KCNQ1: variants seen among roughly 807,000 people sequenced by gnomAD.
The protein encoded by KCNQ1 is potassium voltage-gated channel subfamily Q member 1, also known as potassium voltage-gated channel subfamily KQT member 1.
Under a neutral mutation model 72.4 loss-of-function variants are expected in KCNQ1, and 49 were observed. The ratio of observed to expected loss-of-function variants is 0.68; its 90% CI spans 0.54 to 0.86. The LOEUF is 0.86. Among genes scored for constraint, KCNQ1 ranks in the 40% least tolerant of loss-of-function variants. The pLI is 0.00. For missense variants in KCNQ1, 790 were observed against 945.1 expected, an observed-to-expected ratio of 0.84 and a Z score of 2.15; for synonymous variants, 450 against 412.6, an observed-to-expected ratio of 1.09 and a Z score of -1.10.
chr11:2,486,130 C>CA lies in KCNQ1; in HGVS notation c.386+40647dup, dbSNP rs1198217472. ...TGAGGAACCACTATGCCGTTTTCCA[C>CA]AGTAGCTACCACATCCTCACCAACA... On this transcript the variant is annotated intron_variant, in intron 1 of 15. Transcript: ENST00000155840. The surrounding 1 kb of genome is among the most constrained non-coding windows in gnomAD (Gnocchi z 5.0). 2.0e-5 allele frequency among the ~76,000 whole-genome samples: 3 copies of CA among 152,192 alleles called. No homozygotes were observed. The highest frequency in any genetic ancestry group is 4.4e-5 in the Non-Finnish European group (3 of 68,034).
Position 2,508,218 on chromosome 11 carries a change from C to T in KCNQ1, c.387-19710C>T, listed in dbSNP as rs1247482286. Among the ~76,000 whole-genome samples, 1 of 152,192 alleles carries T rather than the reference C, an allele frequency of 6.6e-6. No individual in the cohort carries two copies. The highest frequency in any genetic ancestry group is 2.4e-5 in the African/African-American group (1 of 41,460). ...GGCATGCATGTTTGAGGTACCACAA[C>T]CTCCACCAACCCATGGTGGTCACCA... On this transcript the variant is annotated intron_variant, in intron 1 of 15. Coordinates refer to ENST00000155840, the MANE Select transcript of KCNQ1 (RefSeq NM_000218.3). This position sits in a 1 kb window ranked among gnomAD's most constrained non-coding sequence, Gnocchi z 6.2.
intron 12 of KCNQ1, among the ~76,000 whole-genome samples, chr11:2,771,809 G>T (rs758354486): frequency 3.9e-5 from 6 of 152,190 alleles, no homozygotes; most frequent in Non-Finnish European, 7.3e-5. Context: ...GAAAAAGCTG[G>T]TCCCTGGGGA....
chr11:2,700,420 G>C (rs1042162482), intron 11 of KCNQ1, among the ~76,000 whole-genome samples: 1 of 152,192 alleles, frequency 6.6e-6, no homozygotes, highest in African/African-American at 2.4e-5. Context: ...CCCCGACACT[G>C]CTGTGGGCCC....
At position 2,659,192 on chromosome 11, in the gene KCNQ1, C is replaced by T. The variant is rs1849905990; in HGVS notation, c.1394-2769C>T. The T allele has an allele frequency of 5.0e-6, 2 of 398,432 alleles. No individual in the cohort carries two copies. Among genetic ancestry groups the T allele is most frequent in the African/African-American group, 4.1e-5 (2 of 48,592 alleles). The allele number at this position is 398,432 out of a possible 1,614,324, so 24.7% of individuals were successfully genotyped here. A position where few individuals can be genotyped will look rare whatever the true frequency, so the allele number is the denominator to read the frequency against. On this transcript the variant is annotated intron_variant, in intron 10 of 15. Coordinates refer to ENST00000155840, the MANE Select transcript of KCNQ1 (RefSeq NM_000218.3). This position sits in a 1 kb window ranked among gnomAD's most constrained non-coding sequence, Gnocchi z 4.3. ...TGACAGATGTCTGGAGTCATGTGTC[C>T]ACAATCCAGTATCATTCACAGAAGT...
intron 11 of KCNQ1, among the ~76,000 whole-genome samples, chr11:2,721,248 C>T (rs374221355): frequency 2.6e-5 from 4 of 152,162 alleles, no homozygotes; most frequent in African/African-American, 4.8e-5. Context: ...TTTGTCCTAC[C>T]GTGGAGGTCG....
At chr11:2,705,350 G>C (rs1178516930) in intron 11 of KCNQ1, among the ~76,000 whole-genome samples, 1 of 152,166 alleles carries the variant, frequency 6.6e-6, no homozygotes, top group East Asian at 1.9e-4. Context: ...GTGTGTATAT[G>C]TTTGGGCATT....
At chr11:2,560,319 G>A (rs1226977024) in intron 2 of KCNQ1, among the ~76,000 whole-genome samples, 5 of 68,750 alleles carry the variant, frequency 7.3e-5, no homozygotes, top group African/African-American at 3.1e-4. Context: ...TCCATCCTGA[G>A]GGAACAGGGG....
At chr11:2,714,327 A>G (rs231848) in intron 11 of KCNQ1, among the ~76,000 whole-genome samples, 104,562 of 152,250 alleles carry the variant, frequency 0.69, 37,677 homozygotes, top group East Asian at 0.99. Context: ...GAGAGGCAGC[A>G]GGCACTATGG....
rs1013112027 is a variant in KCNQ1, at chr11:2,703,035, G to A, written c.1514+40954G>A. On this transcript the variant is annotated intron_variant, in intron 11 of 15. Coordinates refer to ENST00000155840, the MANE Select transcript of KCNQ1 (RefSeq NM_000218.3). The surrounding 1 kb of genome is among the most constrained non-coding windows in gnomAD (Gnocchi z 6.4). ...AGAGGGGTTTGTTGTCTCGTCGGGCGACAAGAGACACGTGGGAATTGGCTA... is the reference window on the plus strand; with the variant it reads ...AGAGGGGTTTGTTGTCTCGTCGGGCAACAAGAGACACGTGGGAATTGGCTA... Among the ~76,000 whole-genome samples the A allele has an allele frequency of 2.6e-5, 4 of 152,160 alleles. No homozygotes were observed. The highest frequency in any genetic ancestry group is 9.7e-5 in the African/African-American group (4 of 41,422).
intron 1 of KCNQ1, among the ~76,000 whole-genome samples, chr11:2,460,580 C>T (rs1186273839): frequency 2.0e-5 from 3 of 151,358 alleles, no homozygotes; most frequent in Non-Finnish European, 4.4e-5. Flanking sequence ...TTTTGGAGGC[C>T]TCTCAGGTAC....
intron 1 of KCNQ1, among the ~76,000 whole-genome samples, chr11:2,474,833 G>A (rs1010836419): frequency 6.6e-6 from 1 of 152,060 alleles, no homozygotes; most frequent in African/African-American, 2.4e-5. Context: ...TGGTGCTCAC[G>A]GTGGGGGACT....
chr11:2,843,844 T>G (rs780668030), intron 15 of KCNQ1, among the ~76,000 whole-genome samples: 4 of 152,232 alleles, frequency 2.6e-5, no homozygotes, highest in Non-Finnish European at 5.9e-5. Flanking sequence ...TTATGGTTAT[T>G]AATTTGGTGA....
rs899757229 is a variant in KCNQ1 at position 2,652,821 on chromosome 11, G to C, written c.1394-9140G>C. On this transcript the variant is annotated intron_variant, in intron 10 of 15. Coordinates refer to ENST00000155840, the MANE Select transcript of KCNQ1 (RefSeq NM_000218.3). This position sits in a 1 kb window ranked among gnomAD's most constrained non-coding sequence, Gnocchi z 5.9. ...CCCTTGGGCCTGCAGAGACATTTCC[G>C]TTCACTCTGAGATTTGTGTATGCTG... The C allele has an allele frequency of 5.0e-6, 2 of 398,848 alleles. No homozygotes were observed. Among genetic ancestry groups the C allele is most frequent in the African/African-American group, 4.1e-5 (2 of 48,608 alleles). 24.7% of individuals were successfully genotyped at this position (398,848 alleles called of 1,614,324 possible). A position where few individuals can be genotyped will look rare whatever the true frequency, so the allele number is the denominator to read the frequency against.
rs551038739 is a variant in KCNQ1 at position 2,644,473 on chromosome 11, C to T, written c.1394-17488C>T. ...TTGGGCAAATTTCTCATTCATACCC[C>T]GAATTGTTTTTTCTGATTTCTTTGT... is the stretch of plus-strand genomic sequence containing the variant. On this transcript the variant is annotated intron_variant, in intron 10 of 15. Transcript: ENST00000155840. 13 of 398,256 alleles carry T rather than the reference C, an allele frequency of 3.3e-5. No homozygotes were observed. In the Admixed American group the frequency reaches 4.0e-4, roughly 12 times the overall value. 24.7% of individuals were successfully genotyped at this position (398,256 alleles called of 1,614,324 possible). A position where few individuals can be genotyped will look rare whatever the true frequency, so the allele number is the denominator to read the frequency against.
chr11:2,535,208 C>T (rs894745984), intron 2 of KCNQ1, among the ~76,000 whole-genome samples: 12 of 152,212 alleles, frequency 7.9e-5, no homozygotes, highest in Non-Finnish European at 1.5e-5. Flanking sequence ...TAGACACTGG[C>T]CTGCAGGCTT....
rs1432540478 is a variant in KCNQ1, at chr11:2,620,819, C to T, written c.1393+31965C>T. The stretch of plus-strand genomic sequence containing the variant: ...TGTATTCCTGCCAACAGTGTATAAG[C>T]GTTCCCTTTTCTCTGCAGCCTTCCC... On this transcript the variant is annotated intron_variant, in intron 10 of 15. Coordinates refer to ENST00000155840, the MANE Select transcript of KCNQ1 (RefSeq NM_000218.3). This position sits in a 1 kb window ranked among gnomAD's most constrained non-coding sequence, Gnocchi z 4.5. 18 of 398,436 alleles carry T rather than the reference C, an allele frequency of 4.5e-5. No individual in the cohort carries two copies. Among genetic ancestry groups the T allele is most frequent in the Middle Eastern group, 6.2e-4 (1 of 1,610 alleles). 24.7% of individuals were successfully genotyped at this position (398,436 alleles called of 1,614,324 possible).
chr11:2,485,792 T>C (rs1418093718), intron 1 of KCNQ1, among the ~76,000 whole-genome samples: 2 of 152,336 alleles, frequency 1.3e-5, no homozygotes, highest in African/African-American at 4.8e-5. Context: ...GAGTACTCTA[T>C]TTGTCTTTTG....
intron 1 of KCNQ1, among the ~76,000 whole-genome samples, chr11:2,514,725 C>A (rs956698969): frequency 6.6e-6 from 1 of 152,214 alleles, no homozygotes; most frequent in Admixed American, 6.5e-5. Flanking sequence ...ACTCGGGAGG[C>A]TGAGGCAGGA....
intron 11 of KCNQ1, chr11:2,675,413 A>T (rs1455265416): frequency 2.5e-6 from 1 of 398,556 alleles, no homozygotes; most frequent in Non-Finnish European, 4.4e-6. Context: ...TAATTGAAAA[A>T]TATATTGTCA....
Sources: allele counts gnomAD v4.1 joint callset (sites outside exome capture counted in the v4.1 genomes callset), GRCh38; gene constraint gnomAD v4.1.1; non-coding constraint Gnocchi (gnomAD v3.1); transcripts MANE v1.5; gene names NCBI Gene and HGNC (gene_info 2026-07-23, HGNC 2026-07-21).